Variants in ZNF608 observed in about 807,000 individuals in gnomAD.
ZNF608 encodes renal carcinoma antigen NY-REN-36.
ZNF608 carries 12 observed loss-of-function variants against 109.0 expected under a neutral mutation model. The ratio of observed to expected loss-of-function variants is 0.11; its 90% CI spans 0.07 to 0.18. ZNF608 has a LOEUF of 0.18. Among genes scored for constraint, ZNF608 ranks in the 10% least tolerant of loss-of-function variants. The probability of loss-of-function intolerance (pLI) is 1.00; values close to 1 mark genes in which losing one functional copy is unlikely to be tolerated. For missense variants in ZNF608, 1,707 were observed against 1,879.3 expected (o/e 0.91, Z 1.70); for synonymous variants, 732 against 717.4 (o/e 1.02, Z -0.33).
At chr5:124,641,224 A>G (rs1750219713) in intron 8 of ZNF608, 28 bp downstream of exon 8, 1 of 1,612,908 alleles carries the variant, frequency 6.2e-7, no homozygotes, top group African/African-American at 1.3e-5. Flanking sequence ...AGAATGGACA[A>G]AGACACAGTA....
intron 2 of ZNF608, chr5:124,708,861 G>C: frequency 2.3e-6 from 1 of 434,388 alleles, no homozygotes; most frequent in Non-Finnish European, 4.6e-6. Context: ...CCCCCACCAT[G>C]CCAAAATTCC....
At chr5:124,669,088 GA>G (rs200711977) in intron 3 of ZNF608, among the ~76,000 whole-genome samples, 15 of 149,050 alleles carry the variant, frequency 1.0e-4, no homozygotes, top group Admixed American at 2.7e-4. Context: ...GCACTGAGAA[GA>G]AAAAAAAAAT....
chr5:124,638,801 A>G, intron 9 of ZNF608: 1 of 1,092,206 alleles, frequency 9.2e-7, no homozygotes, highest in Non-Finnish European at 1.1e-6. Context: ...TATGAAAATA[A>G]ATGTCTCCAT....
intron 3 of ZNF608, among the ~76,000 whole-genome samples, chr5:124,697,255 T>A (rs1382985862): frequency 1.2e-4 from 18 of 144,956 alleles, no homozygotes; most frequent in African/African-American, 4.3e-4. Flanking sequence ...ATAAGAAACA[T>A]GATTCAATAA....
chr5:124,725,778 T>C (rs1400557464), intron 2 of ZNF608, among the ~76,000 whole-genome samples: 1 of 152,036 alleles, frequency 6.6e-6, no homozygotes, highest in East Asian at 1.9e-4. Context: ...CAGAGACCCA[T>C]GGATGCACCC....
At chr5:124,699,248 G>C (rs1162501740) in intron 3 of ZNF608, among the ~76,000 whole-genome samples, 1 of 152,096 alleles carries the variant, frequency 6.6e-6, no homozygotes, top group Admixed American at 6.5e-5. Context: ...AAAATCTAAG[G>C]GAAGGCAAAC....
intron 3 of ZNF608, among the ~76,000 whole-genome samples, chr5:124,664,212 A>T (rs35310929): frequency 0.13 from 20,263 of 152,180 alleles, 1,416 homozygotes; most frequent in East Asian, 0.22. Context: ...AACAAAATAT[A>T]CAAATAGCTG....
At chr5:124,741,569 C>T (rs11241766) in intron 2 of ZNF608, among the ~76,000 whole-genome samples, 125,019 of 152,032 alleles carry the variant, frequency 0.82, 51,443 homozygotes, top group East Asian at 0.89. Flanking sequence ...AATTAAAACA[C>T]TGTATAAAAT....
intron 3 of ZNF608, chr5:124,666,138 A>C (rs1486684019): frequency 6.6e-6 from 1 of 152,242 alleles, no homozygotes; most frequent in East Asian, 1.9e-4. Context: ...AATTTTATTC[A>C]CTGAACGTAA....
At chr5:124,734,083 T>A (rs1749034797) in intron 2 of ZNF608, among the ~76,000 whole-genome samples, 2 of 152,224 alleles carry the variant, frequency 1.3e-5, no homozygotes, top group South Asian at 4.1e-4. Context: ...TACACAGTGA[T>A]GCGATCAACA....
chr5:124,708,838 C>T (rs1467651428), intron 2 of ZNF608: 6 of 444,664 alleles, frequency 1.3e-5, no homozygotes, highest in Non-Finnish European at 2.7e-5. Context: ...GATGCTTCCA[C>T]CTCCAGCCAG....
intron 3 of ZNF608, among the ~76,000 whole-genome samples, chr5:124,661,877 T>C (rs539229379): frequency 3.9e-5 from 6 of 152,210 alleles, no homozygotes; most frequent in African/African-American, 1.4e-4. Flanking sequence ...GATATTTGTA[T>C]CTCTTCTAGT....
At chr5:124,730,926 A>G (rs1748866020) in intron 2 of ZNF608, among the ~76,000 whole-genome samples, 1 of 152,234 alleles carries the variant, frequency 6.6e-6, no homozygotes, top group Admixed American at 6.5e-5. Context: ...AGGCACTGAC[A>G]ATTTGGTAAA....
intron 2 of ZNF608, among the ~76,000 whole-genome samples, chr5:124,727,940 T>C (rs1748692284): frequency 6.6e-6 from 1 of 152,074 alleles, no homozygotes; most frequent in African/African-American, 2.4e-5. Context: ...GGTTTGTCCA[T>C]GTTGGTCGGG....
Position 124,744,040 on chromosome 5 carries a change from A to AC in ZNF608, c.906+43dup. 1 of 1,540,766 alleles carries AC rather than the reference A, an allele frequency of 6.5e-7. No individual in the cohort carries two copies. Among genetic ancestry groups the AC allele is most frequent in the East Asian group, 2.3e-5 (1 of 44,232 alleles). ...CACCCCCACACACCCACACAAATGC[A>AC]CACAGAGGAGAGTAGGACATCTAGG... On this transcript the variant is annotated intron_variant, in intron 2 of 9. Transcript: ENST00000513986. This position sits in a 1 kb window ranked among gnomAD's most constrained non-coding sequence, Gnocchi z 4.5.
intron 3 of ZNF608, among the ~76,000 whole-genome samples, chr5:124,653,004 C>T (rs1750858763): frequency 6.6e-6 from 1 of 152,176 alleles, no homozygotes; most frequent in Non-Finnish European, 1.5e-5. Flanking sequence ...AGGTACTTTT[C>T]ATCTTTATAT....
chr5:124,641,439 G>C, intron 7 of ZNF608, 34 bp from the exon 8 acceptor site: 8 of 1,582,286 alleles, frequency 5.1e-6, no homozygotes, highest in Non-Finnish European at 6.9e-6. Flanking sequence ...CCCCCTTCAT[G>C]CTCTGAAAAT....
chr5:124,683,196 T>C (rs1015050351), intron 3 of ZNF608, among the ~76,000 whole-genome samples: 1 of 152,194 alleles, frequency 6.6e-6, no homozygotes, highest in African/African-American at 2.4e-5. Flanking sequence ...TCATCTCCAC[T>C]GGATGGGGTC....
At position 124,746,412 on chromosome 5, in the gene ZNF608, A is replaced by T; in HGVS notation, c.-401T>A. The T allele has an allele frequency of 2.4e-5, 24 of 985,486 alleles. No homozygotes were observed. The highest frequency in any genetic ancestry group is 2.8e-5 in the Non-Finnish European group (23 of 829,962). The allele number at this position is 985,486 out of a possible 1,614,324, so 61.0% of individuals were successfully genotyped here. On this transcript the variant is annotated 5_prime_UTR_variant, in exon 1 of 10. Transcript: ENST00000513986. ...CGAATCAGTCCTTTTCTCCTTAAAAAAAATGTGTCACTGTACAGCTGGAAA... is the reference window on the plus strand; with the variant it reads ...CGAATCAGTCCTTTTCTCCTTAAAATAAATGTGTCACTGTACAGCTGGAAA...
Sources: gnomAD v4.1 joint callset for allele counts (sites outside exome capture counted in the v4.1 genomes callset) on GRCh38, gnomAD v4.1.1 for gene constraint, Gnocchi (gnomAD v3.1) non-coding constraint, MANE v1.5 for transcripts, NCBI Gene and HGNC (gene_info 2026-07-23, HGNC 2026-07-21) for gene names.